ZFHX3: variants seen among roughly 807,000 people sequenced by gnomAD.
The protein encoded by ZFHX3 is zinc finger homeobox 3, also known as zinc finger homeobox protein 3.
A neutral mutation model predicts 279.1 loss-of-function variants in ZFHX3; 42 were observed. That is an observed-to-expected ratio of 0.15 (90% CI 0.12 to 0.19). The LOEUF (loss-of-function observed/expected upper bound fraction) is 0.19, where lower values mean the gene tolerates loss of function less well. ZFHX3 is among the 10% of genes least tolerant of loss of function. ZFHX3 has a pLI of 1.00. For synonymous variants in ZFHX3, 2,293 were observed against 1,957.8 expected (o/e 1.17, Z -4.52); for missense variants, 4,981 against 4,754.0 (o/e 1.05, Z -1.40).
chr16:73,529,600 C>T (rs1176395395), intron 2 of ZFHX3, among the ~76,000 whole-genome samples: 1 of 152,148 alleles, frequency 6.6e-6, no homozygotes, highest in East Asian at 1.9e-4. Flanking sequence ...TGGCCAGTGC[C>T]CCTTGTCCAG....
intron 4 of ZFHX3, among the ~76,000 whole-genome samples, chr16:72,885,498 G>A (rs545422560): frequency 3.3e-5 from 5 of 152,336 alleles, no homozygotes; most frequent in East Asian, 1.9e-4. Context: ...GAACTGGACC[G>A]ACTGGCAAAC....
chr16:73,156,879 A>G (rs147518425), intron 5 of ZFHX3, among the ~76,000 whole-genome samples: 3 of 152,108 alleles, frequency 2.0e-5, no homozygotes, highest in African/African-American at 7.2e-5. Flanking sequence ...ACGCCCAGCT[A>G]ATTTATATAT....
At position 73,346,611 on chromosome 16, in the gene ZFHX3, A is replaced by ATG. The variant is rs2016128663; in HGVS notation, c.-1290-28276_-1290-28275insCA. On this transcript the variant is annotated intron_variant, in intron 3 of 17. Coordinates refer to the ZFHX3 transcript ENST00000641206. Reference sequence around the variant, plus strand: ...CTCAGCCACTGGAGTAGCTGGGACTACAGGTGTATGCCACTATGCCTGGCT... The same window carrying ATG: ...CTCAGCCACTGGAGTAGCTGGGACTATGCAGGTGTATGCCACTATGCCTGGCT... 3.3e-5 allele frequency among the ~76,000 whole-genome samples: 5 copies of ATG among 152,322 alleles called. No individual in the cohort carries two copies. In the South Asian group the frequency reaches 1.0e-3, roughly 32 times the overall value.
At chr16:73,054,187 C>T (rs1965502855) in intron 1 of ZFHX3, among the ~76,000 whole-genome samples, 1 of 152,148 alleles carries the variant, frequency 6.6e-6, no homozygotes, top group Non-Finnish European at 1.5e-5. Flanking sequence ...TAATACAAGG[C>T]CAGACAGTGT....
chr16:73,585,683 A>G (rs1285196708), intron 2 of ZFHX3, among the ~76,000 whole-genome samples: 4 of 152,222 alleles, frequency 2.6e-5, no homozygotes, highest in Non-Finnish European at 4.4e-5. Context: ...AGTGAAAACT[A>G]TGTGTGTGAA....
intron 5 of ZFHX3, among the ~76,000 whole-genome samples, chr16:73,227,984 C>A (rs1379967659): frequency 6.6e-6 from 1 of 151,496 alleles, no homozygotes; most frequent in Non-Finnish European, 1.5e-5. Context: ...TTTATTTAAC[C>A]TTCACAACCT....
chr16:73,443,920 AATT>A (rs2018138335), intron 3 of ZFHX3, among the ~76,000 whole-genome samples: 1 of 151,866 alleles, frequency 6.6e-6, no homozygotes, highest in South Asian at 2.1e-4. Context: ...ATGCCCAGCT[AATT>A]TTTTTATTTT....
intron 1 of ZFHX3, among the ~76,000 whole-genome samples, chr16:73,041,931 A>T (rs1395454333): frequency 2.0e-5 from 3 of 152,208 alleles, no homozygotes; most frequent in African/African-American, 7.2e-5. Context: ...GTTTAAAAAA[A>T]GAAAAAAGAG....
At chr16:73,520,403 T>A (rs952256670) in intron 2 of ZFHX3, among the ~76,000 whole-genome samples, 1 of 152,214 alleles carries the variant, frequency 6.6e-6, no homozygotes, top group Non-Finnish European at 1.5e-5. Flanking sequence ...TCTAAATTCA[T>A]GTATTAAGTA....
chr16:73,392,528 A>C (rs756804997), intron 3 of ZFHX3, among the ~76,000 whole-genome samples: 5 of 151,964 alleles, frequency 3.3e-5, no homozygotes, highest in Non-Finnish European at 7.4e-5. Flanking sequence ...AAGCACTAAA[A>C]GAGTTTATCC....
chr16:73,682,275 T>C (rs1263604238), intron 1 of ZFHX3, among the ~76,000 whole-genome samples: 1 of 152,208 alleles, frequency 6.6e-6, no homozygotes, highest in Non-Finnish European at 1.5e-5. Flanking sequence ...TCCTGAAATC[T>C]TTGTATTTAT....
chr16:73,002,318 T>C (rs1842230520), intron 1 of ZFHX3, among the ~76,000 whole-genome samples: 1 of 152,162 alleles, frequency 6.6e-6, no homozygotes, highest in Non-Finnish European at 1.5e-5. Flanking sequence ...TAATGCTCTG[T>C]GGTGGCTGGC....
intron 1 of ZFHX3, among the ~76,000 whole-genome samples, chr16:73,844,973 A>C (rs1961410276): frequency 6.6e-6 from 1 of 152,060 alleles, no homozygotes. Flanking sequence ...AATGGGCAAT[A>C]GGGGAATTAA....
intron 5 of ZFHX3, among the ~76,000 whole-genome samples, chr16:73,169,510 C>T (rs992853472): frequency 1.4e-4 from 22 of 152,028 alleles, no homozygotes; most frequent in African/African-American, 1.4e-4. Context: ...GGTGTGGTGG[C>T]GTGTGCCTGT....
At chr16:73,876,360 A>G (rs2029947396) in intron 1 of ZFHX3, among the ~76,000 whole-genome samples, 1 of 152,238 alleles carries the variant, frequency 6.6e-6, no homozygotes, top group South Asian at 2.1e-4. Flanking sequence ...GCTAAAGAGT[A>G]TGTTAACACG....
chr16:72,894,824 C>T (rs181537248), intron 3 of ZFHX3, among the ~76,000 whole-genome samples: 35 of 152,336 alleles, frequency 2.3e-4, no homozygotes, highest in African/African-American at 8.4e-4. Context: ...CCACGCAAAT[C>T]CTGAATTCCC....
intron 3 of ZFHX3, among the ~76,000 whole-genome samples, chr16:72,924,884 T>C (rs979254343): frequency 1.3e-5 from 2 of 152,230 alleles, no homozygotes; most frequent in Non-Finnish European, 2.9e-5. Context: ...ACTTCTGTCC[T>C]ATGGGACTTC....
At chr16:73,835,852 G>T (rs562075722) in intron 1 of ZFHX3, among the ~76,000 whole-genome samples, 6 of 152,066 alleles carry the variant, frequency 3.9e-5, no homozygotes, top group Non-Finnish European at 8.8e-5. Flanking sequence ...GTAGTCAAGG[G>T]TGTTTTTCAG....
chr16:73,055,248 G>C (rs866851884), intron 1 of ZFHX3, among the ~76,000 whole-genome samples: 5 of 151,974 alleles, frequency 3.3e-5, no homozygotes, highest in East Asian at 1.9e-4. Flanking sequence ...GAACTCAATA[G>C]GGTTTTTTTC....
Sources: allele counts gnomAD v4.1 joint callset (sites outside exome capture counted in the v4.1 genomes callset), GRCh38; gene constraint gnomAD v4.1.1; transcripts MANE v1.5; gene names NCBI Gene and HGNC (gene_info 2026-07-23, HGNC 2026-07-21).